Variants in LMBR1 observed in about 807,000 individuals in gnomAD.
LMBR1 encodes the protein limb region 1 protein homolog.
LMBR1 carries 52 observed loss-of-function variants against 73.9 expected under a neutral mutation model. The observed-to-expected ratio is 0.70, with a 90% CI of 0.56 to 0.89. LMBR1 has a LOEUF of 0.89. LMBR1 is among the 40% of genes least tolerant of loss of function. The pLI is 0.00. For missense variants in LMBR1, 539 were observed against 579.8 expected, an observed-to-expected ratio of 0.93 and a Z score of 0.72; for synonymous variants, 215 against 209.4, an observed-to-expected ratio of 1.03 and a Z score of -0.23.
Position 156,826,127 on chromosome 7 carries a change from G to A in LMBR1, c.319+478C>T, listed in dbSNP as rs577727332. The stretch of plus-strand genomic sequence containing the variant: ...CCCAAGTAGCTGGGATTATAAGCGC[G>A]TGCCACCATGCCTGGCTAATTTTTA... On this transcript the variant is annotated intron_variant, in intron 4 of 16. Coordinates refer to ENST00000353442, the MANE Select transcript of LMBR1 (RefSeq NM_022458.4). 2.6e-5 allele frequency among the ~76,000 whole-genome samples: 4 copies of A among 152,208 alleles called. No individual in the cohort carries two copies. The East Asian group carries it at 5.8e-4, about 22-fold the overall frequency.
At chr7:156,674,582 T>C (rs765742117), downstream of LMBR1, among the ~76,000 whole-genome samples, 2 of 152,144 alleles carry the variant, frequency 1.3e-5, no homozygotes, top group Non-Finnish European at 2.9e-5. Context: ...ACCTTTCTAG[T>C]GTAGGATGGC....
chr7:156,863,247 C>CT (rs941830881), intron 1 of LMBR1, among the ~76,000 whole-genome samples: 4 of 143,488 alleles, frequency 2.8e-5, no homozygotes, highest in Non-Finnish European at 6.4e-5. Flanking sequence ...AGTTTCAAAA[C>CT]TGAAGAACTT....
intron 4 of LMBR1, among the ~76,000 whole-genome samples, chr7:156,671,962 T>C (rs1802651454): frequency 6.6e-6 from 1 of 152,168 alleles, no homozygotes. Flanking sequence ...CAAAAGTACA[T>C]ATCAAAACTT....
chr7:156,752,765 T>A (rs541787008), intron 9 of LMBR1, among the ~76,000 whole-genome samples: 1 of 152,144 alleles, frequency 6.6e-6, no homozygotes, highest in South Asian at 2.1e-4. Flanking sequence ...TGGTCACATA[T>A]ATAAAGGAAG....
At chr7:156,710,649 CA>C (rs1404690924) in intron 15 of LMBR1, among the ~76,000 whole-genome samples, 1 of 152,110 alleles carries the variant, frequency 6.6e-6, no homozygotes, top group Non-Finnish European at 1.5e-5. Flanking sequence ...TGCAAATGTC[CA>C]AATACAAAAA....
intron 1 of LMBR1, among the ~76,000 whole-genome samples, chr7:156,886,196 C>T (rs1334987216): frequency 6.6e-6 from 1 of 152,176 alleles, no homozygotes; most frequent in Non-Finnish European, 1.5e-5. Flanking sequence ...TAAAGAGTCA[C>T]AGCCTACAAG....
chr7:156,705,556 G>T (rs936475922), intron 15 of LMBR1, among the ~76,000 whole-genome samples: 1 of 151,954 alleles, frequency 6.6e-6, no homozygotes, highest in Non-Finnish European at 1.5e-5. Context: ...AGACTCTGTC[G>T]CAAAAAGAAA....
chr7:156,880,515 TA>T (rs1204985438), intron 1 of LMBR1, among the ~76,000 whole-genome samples: 18 of 143,912 alleles, frequency 1.3e-4, no homozygotes, highest in African/African-American at 2.6e-4. Flanking sequence ...AATTTAAAAA[TA>T]AAAAAAAAAG....
At chr7:156,739,741 TC>T (rs1297972131) in intron 9 of LMBR1, among the ~76,000 whole-genome samples, 2 of 152,158 alleles carry the variant, frequency 1.3e-5, no homozygotes, top group African/African-American at 4.8e-5. Context: ...AGGGCCGAGT[TC>T]CTTTGAATAT....
At chr7:156,807,401 A>G (rs1305344750) in intron 4 of LMBR1, among the ~76,000 whole-genome samples, 1 of 151,284 alleles carries the variant, frequency 6.6e-6, no homozygotes, top group East Asian at 1.9e-4. Context: ...AATATTTGAG[A>G]AGGCTTTAAT....
chr7:156,811,552 T>C (rs1162262114), intron 4 of LMBR1, among the ~76,000 whole-genome samples: 1 of 151,904 alleles, frequency 6.6e-6, no homozygotes, highest in Non-Finnish European at 1.5e-5. Flanking sequence ...GAGGTTGCAG[T>C]GAGCCAAGAT....
chr7:156,875,767 A>G (rs992853545), intron 1 of LMBR1, among the ~76,000 whole-genome samples: 4 of 152,234 alleles, frequency 2.6e-5, no homozygotes. Context: ...ACAAATGCTG[A>G]GAGAATTTGC....
chr7:156,703,982 C>T lies in LMBR1; in HGVS notation c.1226-15791G>A, dbSNP rs150916611. 2.0e-5 allele frequency among the ~76,000 whole-genome samples: 3 copies of T among 152,326 alleles called. No individual in the cohort carries two copies. In the East Asian group the frequency reaches 5.8e-4, roughly 29 times the overall value. ...CAAAGCCCACTGCAACAACTTCTAACACAAGGGCAAAGTGCTTGGAAACTA... is the reference window on the plus strand; with the variant it reads ...CAAAGCCCACTGCAACAACTTCTAATACAAGGGCAAAGTGCTTGGAAACTA... On this transcript the variant is annotated intron_variant, in intron 15 of 16. Transcript: ENST00000353442.
At chr7:156,738,376 T>C (rs1818284447) in intron 9 of LMBR1, among the ~76,000 whole-genome samples, 1 of 152,184 alleles carries the variant, frequency 6.6e-6, no homozygotes, top group Non-Finnish European at 1.5e-5. Context: ...TACAGTGCTC[T>C]GGGGTCCTAA....
chr7:156,860,846 C>T (rs1425384836), intron 1 of LMBR1, among the ~76,000 whole-genome samples: 1 of 152,272 alleles, frequency 6.6e-6, no homozygotes, highest in Non-Finnish European at 1.5e-5. Flanking sequence ...CCATGTCTCA[C>T]ATCCAGGTCA....
At chr7:156,816,875 A>G (rs976786520) in intron 4 of LMBR1, among the ~76,000 whole-genome samples, 1 of 152,190 alleles carries the variant, frequency 6.6e-6, no homozygotes, top group Non-Finnish European at 1.5e-5. Context: ...CTTAAAAATT[A>G]CTGTTAGGGC....
chr7:156,728,597 A>C (rs755252988), intron 11 of LMBR1, 47 bp downstream of exon 11: 1 of 1,375,030 alleles, frequency 7.3e-7, no homozygotes, highest in East Asian at 2.4e-5. Flanking sequence ...TGCTGAAGTA[A>C]ATAAAATATA....
At chr7:156,751,399 G>C (rs1437222342) in intron 9 of LMBR1, among the ~76,000 whole-genome samples, 4 of 152,112 alleles carry the variant, frequency 2.6e-5, no homozygotes, top group Non-Finnish European at 5.9e-5. Context: ...GGCTCAGTGG[G>C]GGAAGAGCAA....
intron 5 of LMBR1, among the ~76,000 whole-genome samples, chr7:156,775,557 T>C (rs1825977323): frequency 6.6e-6 from 1 of 152,188 alleles, no homozygotes. Context: ...GTTCATAATA[T>C]AACCTCACTG....
Sources: allele counts gnomAD v4.1 joint callset (sites outside exome capture counted in the v4.1 genomes callset), GRCh38; gene constraint gnomAD v4.1.1; transcripts MANE v1.5; gene names NCBI Gene and HGNC (gene_info 2026-07-23, HGNC 2026-07-21).